The following CYB5B variants were observed in gnomAD, a reference collection of about 807,000 sequenced individuals.
CYB5B encodes cytochrome b5 type B (outer mitochondrial membrane).
In CYB5B, 14 loss-of-function variants were observed where a neutral mutation model predicts 21.3. The observed-to-expected ratio is 0.66, with a 90% CI of 0.43 to 1.03. The LOEUF (loss-of-function observed/expected upper bound fraction) is 1.03, where lower values mean the gene tolerates loss of function less well. Among genes scored for constraint, CYB5B ranks in the 50% least tolerant of loss-of-function variants. The pLI is 0.00. For missense variants in CYB5B, 166 were observed against 185.1 expected, an observed-to-expected ratio of 0.90 and a Z score of 0.60; for synonymous variants, 69 against 68.4, an observed-to-expected ratio of 1.01 and a Z score of -0.04.
At chr16:69,425,760 C>T (rs1567468926) in intron 1 of CYB5B, among the ~76,000 whole-genome samples, 2 of 152,108 alleles carry the variant, frequency 1.3e-5, no homozygotes, top group Admixed American at 6.6e-5. Flanking sequence ...GATATGCAGC[C>T]GCTAAAGATT....
intron 1 of CYB5B, among the ~76,000 whole-genome samples, chr16:69,441,154 T>TCTC (rs1555509723): frequency 9.8e-6 from 1 of 102,052 alleles, no homozygotes; most frequent in Non-Finnish European, 1.9e-5. Flanking sequence ...TACTTCTCTC[T>TCTC]TTTTTTTTTT....
rs112240866 is a variant in CYB5B, at chr16:69,427,530, GT to G, written c.174+2681del. 2.0e-5 allele frequency among the ~76,000 whole-genome samples: 3 copies of G among 151,586 alleles called. No homozygotes were observed. In the South Asian group the frequency reaches 6.3e-4, roughly 32 times the overall value. ...GCTGCAGCTCTTTACCTGCAGTTTT[GT>G]TTTTTTTGTTTTGTTTTTTGAGACA... On this transcript the variant is annotated intron_variant, in intron 1 of 4. Transcript: ENST00000307892.
intron 3 of CYB5B, among the ~76,000 whole-genome samples, chr16:69,454,290 C>G (rs1328550837): frequency 6.6e-6 from 1 of 152,048 alleles, no homozygotes; most frequent in Non-Finnish European, 1.5e-5. Context: ...CGGTTTGACT[C>G]TAGGATTATA....
chr16:69,446,776 C>G (rs934761445), intron 1 of CYB5B, among the ~76,000 whole-genome samples: 1 of 152,188 alleles, frequency 6.6e-6, no homozygotes, highest in African/African-American at 2.4e-5. Context: ...TAGGATCACC[C>G]ATTATTCCCA....
At chr16:69,431,957 T>C (rs2014710649) in intron 1 of CYB5B, among the ~76,000 whole-genome samples, 1 of 152,128 alleles carries the variant, frequency 6.6e-6, no homozygotes, top group South Asian at 2.1e-4. Flanking sequence ...AAAGCCTCTG[T>C]GAGAAGATAA....
At chr16:69,447,511 C>T (rs942274687) in intron 2 of CYB5B, among the ~76,000 whole-genome samples, 13 of 151,936 alleles carry the variant, frequency 8.6e-5, no homozygotes, top group African/African-American at 2.4e-4. Flanking sequence ...GGTGTGGTGG[C>T]GCACACTTGT....
At chr16:69,429,020 G>A (rs2014677274) in intron 1 of CYB5B, among the ~76,000 whole-genome samples, 2 of 152,176 alleles carry the variant, frequency 1.3e-5, no homozygotes, top group South Asian at 4.1e-4. Flanking sequence ...TTCTGAGATG[G>A]GAAATCATTG....
chr16:69,462,304 A>C, intron 4 of CYB5B, 126 bp from the exon 5 acceptor site: 1 of 696,768 alleles, frequency 1.4e-6, no homozygotes, highest in Non-Finnish European at 2.5e-6. Flanking sequence ...TTTGTGATAA[A>C]AGCAGTTAAA....
intron 1 of CYB5B, among the ~76,000 whole-genome samples, chr16:69,435,203 C>G (rs2014748137): frequency 6.6e-6 from 1 of 152,156 alleles, no homozygotes; most frequent in African/African-American, 2.4e-5. Context: ...ATAGCACATA[C>G]TTCACAGGGT....
chr16:69,447,142 C>A lies in CYB5B; in HGVS notation c.175-8C>A. 3.7e-6 allele frequency: 6 copies of A among 1,612,772 alleles called. No homozygotes were observed. Among genetic ancestry groups the A allele is most frequent in the Non-Finnish European group, 5.1e-6 (6 of 1,179,372 alleles). ...ACCCTCGGTTCAGTAAATATCTTTT[C>A]CTTGTAGCACCCTGGAGGAGAAGAG... On this transcript the variant is annotated splice_polypyrimidine_tract_variant and splice_region_variant and intron_variant, in intron 1 of 4. Coordinates refer to ENST00000307892, the MANE Select transcript of CYB5B (RefSeq NM_030579.3).
chr16:69,434,419 A>G (rs2142811470), intron 1 of CYB5B, among the ~76,000 whole-genome samples: 1 of 152,314 alleles, frequency 6.6e-6, no homozygotes, highest in African/African-American at 2.4e-5. Context: ...TTACTAGGTT[A>G]TATGTCTGTT....
At chr16:69,457,798 G>T (rs1368660468) in intron 3 of CYB5B, among the ~76,000 whole-genome samples, 1 of 152,070 alleles carries the variant, frequency 6.6e-6, no homozygotes, top group African/African-American at 2.4e-5. Context: ...ATTTCTTTCA[G>T]GTTTGGGGCA....
intron 1 of CYB5B, among the ~76,000 whole-genome samples, chr16:69,440,927 G>A (rs893783404): frequency 1.3e-5 from 2 of 151,888 alleles, no homozygotes; most frequent in Non-Finnish European, 2.9e-5. Context: ...CCAAACTGCT[G>A]GGATTACAGG....
At chr16:69,462,180 T>C (rs1466410623) in intron 4 of CYB5B, among the ~76,000 whole-genome samples, 2 of 152,198 alleles carry the variant, frequency 1.3e-5, no homozygotes, top group African/African-American at 4.8e-5. Flanking sequence ...TAGAAACACA[T>C]ATAGAGGCAT....
At chr16:69,432,054 T>C (rs561508394) in intron 1 of CYB5B, among the ~76,000 whole-genome samples, 1 of 152,270 alleles carries the variant, frequency 6.6e-6, no homozygotes, top group Non-Finnish European at 1.5e-5. Context: ...AAGCAAGAGT[T>C]TGGCACATTA....
At chr16:69,450,976 A>T (rs566923815) in intron 3 of CYB5B, among the ~76,000 whole-genome samples, 1 of 152,282 alleles carries the variant, frequency 6.6e-6, no homozygotes, top group East Asian at 1.9e-4. Flanking sequence ...CTTTCATATT[A>T]CTTTTATAAC....
chr16:69,449,278 G>T (rs577709341), intron 3 of CYB5B: 23 of 152,056 alleles, frequency 1.5e-4, no homozygotes, highest in African/African-American at 5.5e-4. Flanking sequence ...CAAGCTCTCA[G>T]TGTCTTAGTT....
chr16:69,430,694 A>T (rs1475158698), intron 1 of CYB5B, among the ~76,000 whole-genome samples: 2 of 147,020 alleles, frequency 1.4e-5, no homozygotes, highest in Non-Finnish European at 3.0e-5. Flanking sequence ...TTTTTTTGAG[A>T]CAGAGTTTCA....
At chr16:69,429,799 G>C (rs1311757730) in intron 1 of CYB5B, among the ~76,000 whole-genome samples, 1 of 152,120 alleles carries the variant, frequency 6.6e-6, no homozygotes, top group African/African-American at 2.4e-5. Flanking sequence ...AGATGAGAGA[G>C]GGAAGATTTA....
Sources: gnomAD v4.1 joint callset for allele counts (sites outside exome capture counted in the v4.1 genomes callset) on GRCh38, gnomAD v4.1.1 for gene constraint, MANE v1.5 for transcripts, NCBI Gene and HGNC (gene_info 2026-07-23, HGNC 2026-07-21) for gene names.